The following PPP1R12B variants were observed in gnomAD, a reference collection of about 807,000 sequenced individuals.
The protein encoded by PPP1R12B is myosin phosphatase target subunit 2.
Under a neutral mutation model 126.1 loss-of-function variants are expected in PPP1R12B, and 76 were observed. The observed-to-expected ratio is 0.60, with a 90% CI of 0.50 to 0.73. The LOEUF is 0.73. PPP1R12B is among the 30% of genes least tolerant of loss of function. The pLI, the probability that PPP1R12B is intolerant of heterozygous loss-of-function variation, is 0.00. For missense variants in PPP1R12B, 1,052 were observed against 1,205.1 expected, an observed-to-expected ratio of 0.87 and a Z score of 1.88; for synonymous variants, 356 against 434.7, an observed-to-expected ratio of 0.82 and a Z score of 2.25.
At chr1:202,382,418 A>G (rs1662452822) in intron 1 of PPP1R12B, among the ~76,000 whole-genome samples, 1 of 150,372 alleles carries the variant, frequency 6.7e-6, no homozygotes, top group Admixed American at 6.6e-5. Flanking sequence ...AACTTAAAGT[A>G]TAATAAAAAA....
rs946147299 is a variant in PPP1R12B, at chr1:202,582,106, A to G, written c.*1546A>G. On this transcript the variant is annotated 3_prime_UTR_variant, in exon 24 of 24. Transcript: ENST00000608999. ...TGCCTGTGGATTCTCCTTGTAGTCC[A>G]GATCTACTATCTGCAACTCTTTAAC... 2.6e-5 allele frequency: 4 copies of G among 152,224 alleles called. No homozygotes were observed. The highest frequency in any genetic ancestry group is 9.6e-5 in the African/African-American group (4 of 41,460). 9.4% of individuals were successfully genotyped at this position (152,224 alleles called of 1,614,324 possible). A position where few individuals can be genotyped will look rare whatever the true frequency, so the allele number is the denominator to read the frequency against.
intron 18 of PPP1R12B, among the ~76,000 whole-genome samples, chr1:202,554,085 T>C (rs1051973775): frequency 3.3e-5 from 5 of 152,082 alleles, no homozygotes; most frequent in African/African-American, 1.2e-4. Flanking sequence ...AGAAACCCCA[T>C]CTTCTCTCTC....
At chr1:202,556,201 A>G (rs1360487654) in intron 18 of PPP1R12B, among the ~76,000 whole-genome samples, 1 of 152,156 alleles carries the variant, frequency 6.6e-6, no homozygotes, top group Non-Finnish European at 1.5e-5. Context: ...ACAATTTAAA[A>G]AATGAAAGCA....
At position 202,587,548 on chromosome 1, in the gene PPP1R12B, T is replaced by TAATC. The variant is rs958442435; in HGVS notation, c.*6994_*6997dup. The TAATC allele has an allele frequency of 6.6e-5, 10 of 152,168 alleles. No homozygotes were observed. The highest frequency in any genetic ancestry group is 2.1e-4 in the South Asian group (1 of 4,828). The allele number at this position is 152,168 out of a possible 1,614,324, so 9.4% of individuals were successfully genotyped here. A position where few individuals can be genotyped will look rare whatever the true frequency, so the allele number is the denominator to read the frequency against. The stretch of plus-strand genomic sequence containing the variant: ...GAAGTGTGTCTTCCCAGCACAAACC[T>TAATC]AATCAATCAGTGTATCAGTGCATCT... On this transcript the variant is annotated 3_prime_UTR_variant, in exon 24 of 24. Coordinates refer to ENST00000608999, the MANE Select transcript of PPP1R12B (RefSeq NM_002481.4).
At chr1:202,438,636 C>T in intron 10 of PPP1R12B, 1 of 528,728 alleles carries the variant, frequency 1.9e-6, no homozygotes, top group Non-Finnish European at 3.5e-6. Context: ...CGTCCCTGGC[C>T]CCGGAAGCAG....
intron 18 of PPP1R12B, among the ~76,000 whole-genome samples, chr1:202,537,278 C>G (rs1328157827): frequency 2.6e-5 from 4 of 151,588 alleles, no homozygotes; most frequent in African/African-American, 9.7e-5. Context: ...GGCGTGAACC[C>G]GGGAGGCGGA....
intron 1 of PPP1R12B, among the ~76,000 whole-genome samples, chr1:202,391,012 G>A (rs1664065205): frequency 1.3e-5 from 2 of 152,314 alleles, no homozygotes; most frequent in South Asian, 4.1e-4. Flanking sequence ...GCAGTGAGCT[G>A]AGATCGTGCC....
At chr1:202,580,411 T>G in intron 23 of PPP1R12B, 63 bp from the exon 24 acceptor site, 2 of 1,361,824 alleles carry the variant, frequency 1.5e-6, no homozygotes, top group Admixed American at 3.4e-5. Flanking sequence ...CCTGGCCTGG[T>G]CAGGGAGGGC....
At chr1:202,415,775 C>G (rs1473481983) in intron 1 of PPP1R12B, among the ~76,000 whole-genome samples, 6 of 152,142 alleles carry the variant, frequency 3.9e-5, no homozygotes, top group Non-Finnish European at 5.9e-5. Flanking sequence ...GCATACTTTG[C>G]CATAGTGTTT....
intron 18 of PPP1R12B, among the ~76,000 whole-genome samples, chr1:202,524,058 G>C (rs1305344331): frequency 6.6e-6 from 1 of 152,194 alleles, no homozygotes; most frequent in Non-Finnish European, 1.5e-5. Flanking sequence ...ACTCTGTTGA[G>C]ATTAGACTTC....
At chr1:202,578,551 G>A (rs1689296978) in intron 23 of PPP1R12B, among the ~76,000 whole-genome samples, 1 of 152,242 alleles carries the variant, frequency 6.6e-6, no homozygotes, top group Non-Finnish European at 1.5e-5. Flanking sequence ...TCAGAGGTAG[G>A]AGACCAGGGT....
intron 1 of PPP1R12B, among the ~76,000 whole-genome samples, chr1:202,363,421 A>G (rs1303352046): frequency 6.6e-6 from 1 of 152,244 alleles, no homozygotes; most frequent in Non-Finnish European, 1.5e-5. Context: ...TTACCTTTGT[A>G]TGTTTTAAGA....
chr1:202,484,204 A>G (rs1677777694), intron 13 of PPP1R12B, among the ~76,000 whole-genome samples: 1 of 149,858 alleles, frequency 6.7e-6, no homozygotes, highest in Admixed American at 6.6e-5. Flanking sequence ...TTCCTCTTTT[A>G]TTTACTTCTG....
intron 1 of PPP1R12B, among the ~76,000 whole-genome samples, chr1:202,380,394 T>TGC (rs1434503869): frequency 6.6e-6 from 1 of 152,232 alleles, no homozygotes; most frequent in Non-Finnish European, 1.5e-5. Context: ...AGCCCAGGGC[T>TGC]GCTGTTGCCC....
chr1:202,570,723 C>T (rs1403141490), intron 23 of PPP1R12B, among the ~76,000 whole-genome samples: 6 of 152,118 alleles, frequency 3.9e-5, no homozygotes, highest in African/African-American at 1.4e-4. Flanking sequence ...GATGGAGTCT[C>T]GCTATGTTGC....
At chr1:202,499,002 C>CT (rs957069042) in intron 18 of PPP1R12B, among the ~76,000 whole-genome samples, 46 of 151,922 alleles carry the variant, frequency 3.0e-4, no homozygotes, top group African/African-American at 9.7e-4. Flanking sequence ...AATATCTTGG[C>CT]TTTTTTTTAA....
intron 10 of PPP1R12B, chr1:202,439,480 G>T (rs1319902479): frequency 6.0e-6 from 9 of 1,495,802 alleles, no homozygotes; most frequent in Non-Finnish European, 8.3e-6. Flanking sequence ...AAGGGTGCCT[G>T]GTCCAGCCCA....
intron 23 of PPP1R12B, among the ~76,000 whole-genome samples, chr1:202,578,693 C>T (rs1479231505): frequency 6.6e-6 from 1 of 152,214 alleles, no homozygotes; most frequent in African/African-American, 2.4e-5. Flanking sequence ...TATCGCAAAG[C>T]TCATTATGTA....
In PPP1R12B at chr1:202,588,530, G is replaced by GTAT. The variant is rs1482292546; in HGVS notation, c.*7972_*7974dup. On this transcript the variant is annotated 3_prime_UTR_variant, in exon 24 of 24. Coordinates refer to ENST00000608999, the MANE Select transcript of PPP1R12B (RefSeq NM_002481.4). Reference sequence around the variant, plus strand: ...CTATATGATGCCTGTAAACACAACAGTATTTATAAATGAGTAAATAAAACT... The same window carrying GTAT: ...CTATATGATGCCTGTAAACACAACAGTATTATTTATAAATGAGTAAATAAAACT... 1.3e-5 allele frequency: 2 copies of GTAT among 152,746 alleles called. No individual in the cohort carries two copies. The highest frequency in any genetic ancestry group is 3.9e-4 in the East Asian group (2 of 5,192). 9.5% of individuals were successfully genotyped at this position (152,746 alleles called of 1,614,324 possible). A position where few individuals can be genotyped will look rare whatever the true frequency, so the allele number is the denominator to read the frequency against.
Sources: gnomAD v4.1 joint callset for allele counts (sites outside exome capture counted in the v4.1 genomes callset) on GRCh38, gnomAD v4.1.1 for gene constraint, MANE v1.5 for transcripts, NCBI Gene and HGNC (gene_info 2026-07-23, HGNC 2026-07-21) for gene names.